The following NRCAM variants were observed in gnomAD, a reference collection of about 807,000 sequenced individuals.
NRCAM encodes neuronal cell adhesion molecule.
Under a neutral mutation model 156.5 loss-of-function variants are expected in NRCAM, and 83 were observed. That is an observed-to-expected ratio of 0.53 (90% CI 0.44 to 0.64). NRCAM has a LOEUF of 0.64. Ranked by LOEUF, NRCAM falls within the 30% of genes least tolerant of loss-of-function variation. The pLI, the probability that NRCAM is intolerant of heterozygous loss-of-function variation, is 0.00. For missense variants in NRCAM, 1,417 were observed against 1,597.3 expected (o/e 0.89, Z 1.92); for synonymous variants, 538 against 563.9 (o/e 0.95, Z 0.65).
At chr7:108,162,140 A>G (rs932855332) in intron 30 of NRCAM, among the ~76,000 whole-genome samples, 37 of 152,264 alleles carry the variant, frequency 2.4e-4, no homozygotes, top group Admixed American at 1.3e-4. Context: ...AAGGTTAAGA[A>G]CTTGCCCAAG....
chr7:108,442,950 G>A (rs1840246657), intron 1 of NRCAM, among the ~76,000 whole-genome samples: 1 of 108,744 alleles, frequency 9.2e-6, no homozygotes, highest in South Asian at 2.7e-4. Flanking sequence ...GCTGGATGTT[G>A]GTAGATTCTC....
intron 2 of NRCAM, among the ~76,000 whole-genome samples, chr7:108,347,115 G>A (rs940825862): frequency 3.8e-5 from 5 of 130,164 alleles, no homozygotes; most frequent in African/African-American, 1.4e-4. Flanking sequence ...TCGGCTCACT[G>A]CAAGCACTGC....
Position 108,232,459 on chromosome 7 carries a change from C to T in NRCAM, c.294G>A (p.Lys98=), listed in dbSNP as rs547324890. The part of the protein sequence containing the change: ...DIDKDPLVTM[K]PGTGTLIINI... Reference sequence around the variant, plus strand: ...TAATTATGAGCGTTCCTGTGCCAGGCTTCATGGTGACCAGAGGGTCTTTAT... The same window carrying T: ...TAATTATGAGCGTTCCTGTGCCAGGTTTCATGGTGACCAGAGGGTCTTTAT... The change falls in exon 7 of 33, where the codon AAG becomes AAA. Residue 98 remains lysine, a synonymous_variant. Coordinates refer to ENST00000379028, the MANE Select transcript of NRCAM (RefSeq NM_001037132.4). 4 of 1,613,576 alleles carry T rather than the reference C, an allele frequency of 2.5e-6. No individual in the cohort carries two copies. Among genetic ancestry groups the T allele is most frequent in the African/African-American group, 1.3e-5 (1 of 74,872 alleles).
intron 32 of NRCAM, among the ~76,000 whole-genome samples, chr7:108,150,948 C>T (rs527389059): frequency 6.6e-6 from 1 of 152,098 alleles, no homozygotes; most frequent in African/African-American, 2.4e-5. Context: ...CATGTAATAG[C>T]AAATGCTTCC....
intron 2 of NRCAM, among the ~76,000 whole-genome samples, chr7:108,351,063 G>T (rs1044734996): frequency 2.2e-4 from 33 of 152,186 alleles, no homozygotes; most frequent in African/African-American, 7.5e-4. Flanking sequence ...GTTCCCCAAA[G>T]TTCATGTGTT....
At chr7:108,447,985 T>C (rs1846318438) in intron 1 of NRCAM, among the ~76,000 whole-genome samples, 1 of 152,220 alleles carries the variant, frequency 6.6e-6, no homozygotes, top group South Asian at 2.1e-4. Context: ...AGTCTGATCA[T>C]GAACTCACTC....
At chr7:108,152,801 T>C (rs2042544223) in intron 32 of NRCAM, among the ~76,000 whole-genome samples, 1 of 152,088 alleles carries the variant, frequency 6.6e-6, no homozygotes, top group Non-Finnish European at 1.5e-5. Flanking sequence ...GGGGAGAATA[T>C]TACAATAATC....
At chr7:108,344,490 G>GA (rs35508280) in intron 2 of NRCAM, among the ~76,000 whole-genome samples, 43,510 of 151,176 alleles carry the variant, frequency 0.29, 6,719 homozygotes, top group East Asian at 0.56. Flanking sequence ...TCTTGCAACT[G>GA]AAAAAAAACC....
Position 108,324,877 on chromosome 7 carries a change from C to CATTTTTTTTTTTTTTTTTTTT in NRCAM, c.-173-12147_-173-12146insAAAAAAAAAAAAAAAAAAAAT, listed in dbSNP as rs201240389. 1.3e-4 allele frequency among the ~76,000 whole-genome samples: 11 copies of CATTTTTTTTTTTTTTTTTTTT among 82,676 alleles called. 2 individuals are homozygous for CATTTTTTTTTTTTTTTTTTTT. Among genetic ancestry groups the CATTTTTTTTTTTTTTTTTTTT allele is most frequent in the South Asian group, 7.1e-4 (2 of 2,816 alleles). The allele number at this position is 82,676 out of a possible 152,430, so 54.2% of individuals were successfully genotyped here. On this transcript the variant is annotated intron_variant, in intron 2 of 32. Transcript: ENST00000379028. ...TGTTTGTGTAATATTTGGCACTGTA[C>CATTTTTTTTTTTTTTTTTTTT]TTTTTTTTTTTTTTTTTTTTTTTTT... is the stretch of plus-strand genomic sequence containing the variant.
intron 11 of NRCAM, among the ~76,000 whole-genome samples, chr7:108,216,777 TC>T (rs2089261183): frequency 6.6e-6 from 1 of 152,218 alleles, no homozygotes; most frequent in African/African-American, 2.4e-5. Context: ...TCATTTATGT[TC>T]TTCTCTAAAC....
At chr7:108,227,662 G>T (rs1425877560) in intron 8 of NRCAM, among the ~76,000 whole-genome samples, 1 of 145,924 alleles carries the variant, frequency 6.9e-6, no homozygotes, top group African/African-American at 2.8e-5. Context: ...TGAAGCTCCT[G>T]ACTTAGTCCA....
At chr7:108,154,783 T>C (rs1016451828) in intron 32 of NRCAM, among the ~76,000 whole-genome samples, 5 of 152,116 alleles carry the variant, frequency 3.3e-5, no homozygotes, top group African/African-American at 1.2e-4. Flanking sequence ...CAAGCATACA[T>C]GTCCATCTCC....
chr7:108,291,107 T>C (rs776485671), intron 3 of NRCAM, among the ~76,000 whole-genome samples: 3 of 152,110 alleles, frequency 2.0e-5, no homozygotes, highest in Admixed American at 6.6e-5. Flanking sequence ...AGATAAAATA[T>C]AGAAGATCAA....
chr7:108,368,574 C>A (rs1277421465), intron 2 of NRCAM, among the ~76,000 whole-genome samples: 2 of 152,070 alleles, frequency 1.3e-5, no homozygotes, highest in Non-Finnish European at 2.9e-5. Context: ...ATAAATGTGA[C>A]GAGACATATA....
chr7:108,230,939 C>T (rs1562855107), intron 8 of NRCAM, 92 bp downstream of exon 8: 8 of 1,018,854 alleles, frequency 7.9e-6, no homozygotes, highest in Non-Finnish European at 1.0e-5. Flanking sequence ...ATCTCTAAAA[C>T]ATTTTATGAA....
In NRCAM at chr7:108,167,073, C is replaced by T; in HGVS notation, c.3314G>A (p.Ser1105Asn). 2.5e-6 allele frequency: 4 copies of T among 1,611,068 alleles called. No homozygotes were observed. In the South Asian group the frequency reaches 3.3e-5, roughly 13 times the overall value. The change falls in exon 30 of 33, where the codon AGC (serine) becomes AAC (asparagine). Residue 1105 changes from serine (S) to asparagine (N), a missense_variant and splice_region_variant. Around this residue, in one of 2 missense-constraint regions of NRCAM, gnomAD observed 179 missense variants for 260.9 expected, o/e 0.69. Transcript: ENST00000379028. ...AATTTCTTTTCTCCATTCTTCTTTG[C>T]CTATGGAAATTTTGCAAAAACAACA... is the stretch of plus-strand genomic sequence containing the variant. ...NFYVEYGVAG[S>N]KEEWRKEIVN...
rs182728931 is a variant in NRCAM at position 108,246,693 on chromosome 7, C to T, written c.-106-6523G>A. Among the ~76,000 whole-genome samples, 7 of 152,276 alleles carry T rather than the reference C, an allele frequency of 4.6e-5. No individual in the cohort carries two copies. In the East Asian group the frequency reaches 1.4e-3, roughly 29 times the overall value. ...ACCAGGCCTGTAAATCTCTTGGTAC[C>T]CCAAACAATGTTCCAATTCTCTGTG... On this transcript the variant is annotated intron_variant, in intron 3 of 32. Coordinates refer to ENST00000379028, the MANE Select transcript of NRCAM (RefSeq NM_001037132.4).
intron 11 of NRCAM, among the ~76,000 whole-genome samples, chr7:108,218,569 T>C (rs989141788): frequency 1.3e-5 from 2 of 152,210 alleles, no homozygotes; most frequent in African/African-American, 2.4e-5. Flanking sequence ...TTCAAAGCCA[T>C]GCAAAAACAC....
intron 2 of NRCAM, among the ~76,000 whole-genome samples, chr7:108,350,083 C>T (rs904441301): frequency 1.3e-5 from 2 of 152,218 alleles, no homozygotes; most frequent in African/African-American, 4.8e-5. Flanking sequence ...ATTCCTTCCA[C>T]TGGAGAGCCT....
Sources: allele counts gnomAD v4.1 joint callset (sites outside exome capture counted in the v4.1 genomes callset), GRCh38; gene constraint gnomAD v4.1.1; regional missense constraint gnomAD v4.1.1; transcripts MANE v1.5; gene names NCBI Gene and HGNC (gene_info 2026-07-23, HGNC 2026-07-21).